RAB43: variants seen among roughly 807,000 people sequenced by gnomAD.
The protein encoded by RAB43 is RAB43, member RAS oncogene family.
In RAB43, 6 loss-of-function variants were observed where a neutral mutation model predicts 18.8. That is an observed-to-expected ratio of 0.32 (90% CI 0.17 to 0.63). RAB43 has a LOEUF of 0.63. Ranked by LOEUF, RAB43 falls within the 30% of genes least tolerant of loss-of-function variation. The pLI, the probability that RAB43 is intolerant of heterozygous loss-of-function variation, is 0.79. For missense variants in RAB43, 195 were observed against 289.1 expected (o/e 0.67, Z 2.36); for synonymous variants, 103 against 124.1 (o/e 0.83, Z 1.13).
chr3:129,099,154 C>T (rs1285324272), intron 1 of RAB43, among the ~76,000 whole-genome samples: 12 of 151,148 alleles, frequency 7.9e-5, no homozygotes, highest in African/African-American at 2.4e-4. Flanking sequence ...TGCAGTGGCG[C>T]GGTCTCGGCT....
chr3:129,104,311 C>G (rs1934617623), intron 1 of RAB43, among the ~76,000 whole-genome samples: 1 of 152,228 alleles, frequency 6.6e-6, no homozygotes, highest in Non-Finnish European at 1.5e-5. Context: ...ACTCACCTGA[C>G]CAGCCACTAA....
At chr3:129,116,955 G>C (rs1487071361) in intron 1 of RAB43, among the ~76,000 whole-genome samples, 1 of 143,706 alleles carries the variant, frequency 7.0e-6, no homozygotes, top group Non-Finnish European at 1.5e-5. Flanking sequence ...TGGGGAGGAG[G>C]GAGGGGTGGG....
At chr3:129,093,781 G>A (rs190193659) in intron 2 of RAB43, among the ~76,000 whole-genome samples, 21 of 151,946 alleles carry the variant, frequency 1.4e-4, no homozygotes, top group African/African-American at 4.8e-4. Context: ...GTACATTTGA[G>A]TCAGAAGAAT....
intron 1 of RAB43, among the ~76,000 whole-genome samples, chr3:129,100,499 G>A (rs901667110): frequency 6.6e-6 from 1 of 152,210 alleles, no homozygotes; most frequent in Non-Finnish European, 1.5e-5. Flanking sequence ...ACCAATCCTT[G>A]TAGAACCAAA....
At chr3:129,101,935 A>G (rs1229685438) in intron 1 of RAB43, among the ~76,000 whole-genome samples, 4 of 152,246 alleles carry the variant, frequency 2.6e-5, no homozygotes, top group African/African-American at 9.6e-5. Context: ...ACACACACAA[A>G]GGCCTGCCCA....
chr3:129,109,401 C>T (rs993783513), intron 1 of RAB43, among the ~76,000 whole-genome samples: 29 of 145,628 alleles, frequency 2.0e-4, no homozygotes, highest in Non-Finnish European at 4.2e-4. Flanking sequence ...CAGAGCGAGA[C>T]TCCGTCTCAA....
In RAB43 at chr3:129,106,395, G is replaced by A. The variant is rs560135312; in HGVS notation, c.205-11226C>T. ...GATGTGGTAAGTCAAACCAGGAGGT[G>A]GAGTTTGTGGGCCATGCGAGCTCCT... On this transcript the variant is annotated intron_variant, in intron 1 of 2. Coordinates refer to ENST00000315150, the MANE Select transcript of RAB43 (RefSeq NM_198490.3). Among the ~76,000 whole-genome samples the A allele has an allele frequency of 9.2e-5, 14 of 152,308 alleles. No homozygotes were observed. The East Asian group carries it at 2.5e-3, about 27-fold the overall frequency.
rs1429797289 is a variant in RAB43 at position 129,121,433 on chromosome 3, G to A, written c.57C>T (p.Phe19=). Residue 19 remains phenylalanine, a synonymous_variant, in exon 1 of 3, where the codon TTC becomes TTT. Coordinates refer to ENST00000315150, the MANE Select transcript of RAB43 (RefSeq NM_198490.3). ...GDPDEQYDFL[F]KLVLVGDASV... ...TTGCGTCGCCCACCAGCACCAGCTTGAACAGGAAATCGTACTGCTCGTCCG... is the reference window on the plus strand; with the variant it reads ...TTGCGTCGCCCACCAGCACCAGCTTAAACAGGAAATCGTACTGCTCGTCCG... 1.2e-6 allele frequency: 2 copies of A among 1,613,236 alleles called. No individual in the cohort carries two copies. The highest frequency in any genetic ancestry group is 1.7e-6 in the Non-Finnish European group (2 of 1,179,694).
intron 2 of RAB43, chr3:129,092,562 A>T: frequency 1.4e-6 from 1 of 692,470 alleles, no homozygotes; most frequent in Non-Finnish European, 2.6e-6. Flanking sequence ...GGAGTTCAAG[A>T]TCAGCCTGGG....
At chr3:129,118,674 AG>A (rs1935703533) in intron 1 of RAB43, among the ~76,000 whole-genome samples, 1 of 152,238 alleles carries the variant, frequency 6.6e-6, no homozygotes, top group Non-Finnish European at 1.5e-5. Flanking sequence ...TTCCCAAGAC[AG>A]GCCCTGAGAA....
At position 129,095,202 on chromosome 3, in the gene RAB43, G is replaced by A; in HGVS notation, c.205-33C>T. 6.2e-7 allele frequency: 1 copy of A among 1,600,422 alleles called. No individual in the cohort carries two copies. Among genetic ancestry groups the A allele is most frequent in the South Asian group, 1.1e-5 (1 of 88,738 alleles). On this transcript the variant is annotated intron_variant, in intron 1 of 2. Transcript: ENST00000315150. This position sits in a 1 kb window ranked among gnomAD's most constrained non-coding sequence, Gnocchi z 4.2. ...AATAAGGTTCCTCAGTGAACCCAGT[G>A]GCACAGGCTGAACATGGGGACAGGC... is the stretch of plus-strand genomic sequence containing the variant.
At chr3:129,094,863 C>T (rs1415292742) in intron 2 of RAB43, 123 bp downstream of exon 2, 4 of 1,367,564 alleles carry the variant, frequency 2.9e-6, no homozygotes, top group African/African-American at 1.5e-5. Flanking sequence ...ATTTGCAAAA[C>T]CATGGCTCAA....
At chr3:129,091,595 TG>T (rs1419976898) in intron 2 of RAB43, among the ~76,000 whole-genome samples, 2 of 152,264 alleles carry the variant, frequency 1.3e-5, no homozygotes, top group African/African-American at 4.8e-5. Context: ...AAGACCAGCC[TG>T]GGCAACACAG....
chr3:129,121,295 C>T lies in RAB43; in HGVS notation c.195G>A (p.Lys65=). The stretch of plus-strand genomic sequence containing the variant: ...CTGGCCGGCCTCCCACCTTGACCCG[C>T]TTGCCCTGGATCTCCAGCGTCTTCA... ...FTMKTLEIQG[K]RVKLQIWDTA... Residue 65 remains lysine, a synonymous_variant, in exon 1 of 3, where the codon AAG becomes AAA. Coordinates refer to ENST00000315150, the MANE Select transcript of RAB43 (RefSeq NM_198490.3). The T allele has an allele frequency of 1.2e-6, 2 of 1,605,768 alleles. No homozygotes were observed. The highest frequency in any genetic ancestry group is 1.7e-6 in the Non-Finnish European group (2 of 1,176,588).
chr3:129,117,392 C>T (rs1291947600), intron 1 of RAB43, among the ~76,000 whole-genome samples: 1 of 152,204 alleles, frequency 6.6e-6, no homozygotes, highest in African/African-American at 2.4e-5. Flanking sequence ...CTTCAGACTC[C>T]TAGTCCAGTG....
rs115637884 is a variant in RAB43, at chr3:129,096,140, G to A, written c.205-971C>T. On this transcript the variant is annotated intron_variant, in intron 1 of 2. Transcript: ENST00000315150. Reference sequence around the variant, plus strand: ...GCCCCCTTTGCAGGCACAAACACTCGGGGTGTCTCTTTACCTAGTTCTCAA... The same window carrying A: ...GCCCCCTTTGCAGGCACAAACACTCAGGGTGTCTCTTTACCTAGTTCTCAA... Among the ~76,000 whole-genome samples, 260 of 152,310 alleles carry A rather than the reference G, an allele frequency of 1.7e-3. 2 individuals are homozygous for A. Among genetic ancestry groups the A allele is most frequent in the African/African-American group, 6.0e-3 (250 of 41,564 alleles).
In RAB43 at chr3:129,121,720, C is replaced by T. The variant is rs1267203338; in HGVS notation, c.-231G>A. On this transcript the variant is annotated 5_prime_UTR_variant, in exon 1 of 3. Coordinates refer to ENST00000315150, the MANE Select transcript of RAB43 (RefSeq NM_198490.3). ...TCGGCCCCGCCCGGACCCGGTGCCC[C>T]GCGGGTTCGGCTCCCCCCCGGACCC... The T allele has an allele frequency of 3.7e-5, 11 of 297,024 alleles. No individual in the cohort carries two copies. Among genetic ancestry groups the T allele is most frequent in the Non-Finnish European group, 6.7e-5 (11 of 163,044 alleles). The allele number at this position is 297,024 out of a possible 1,614,324, so 18.4% of individuals were successfully genotyped here.
At chr3:129,094,763 C>T (rs1467968984) in intron 2 of RAB43, among the ~76,000 whole-genome samples, 2 of 151,690 alleles carry the variant, frequency 1.3e-5, no homozygotes, top group Non-Finnish European at 2.9e-5. Context: ...GTGATCCGCC[C>T]GCCTCAGCCT....
chr3:129,107,338 A>T lies in RAB43; in HGVS notation c.205-12169T>A, dbSNP rs1317352639. Among the ~76,000 whole-genome samples, 2 of 152,084 alleles carry T rather than the reference A, an allele frequency of 1.3e-5. No homozygotes were observed. Among genetic ancestry groups the T allele is most frequent in the African/African-American group, 4.8e-5 (2 of 41,424 alleles). On this transcript the variant is annotated intron_variant, in intron 1 of 2. Transcript: ENST00000315150. The surrounding 1 kb of genome is among the most constrained non-coding windows in gnomAD (Gnocchi z 4.2). ...TTCCTGAACAGCTTGGATGAGAAAAAGGTGCACTGTGGGAAACGACCCTGG... is the reference window on the plus strand; with the variant it reads ...TTCCTGAACAGCTTGGATGAGAAAATGGTGCACTGTGGGAAACGACCCTGG...
Sources: allele counts gnomAD v4.1 joint callset (sites outside exome capture counted in the v4.1 genomes callset), GRCh38; gene constraint gnomAD v4.1.1; non-coding constraint Gnocchi (gnomAD v3.1); transcripts MANE v1.5; gene names NCBI Gene and HGNC (gene_info 2026-07-23, HGNC 2026-07-21).